Variants in FHIT observed in about 807,000 individuals in gnomAD.
The protein encoded by FHIT is fragile histidine triad diadenosine triphosphatase.
Under a neutral mutation model 17.9 loss-of-function variants are expected in FHIT, and 19 were observed. That is an observed-to-expected ratio of 1.06 (90% CI 0.74 to 1.56). The LOEUF (loss-of-function observed/expected upper bound fraction) is 1.56, where lower values mean the gene tolerates loss of function less well. Ranked by LOEUF, FHIT falls within the 40% of genes most tolerant of loss-of-function variation. FHIT has a pLI of 0.00. For synonymous variants in FHIT, 81 were observed against 69.7 expected, an observed-to-expected ratio of 1.16 and a Z score of -0.81; for missense variants, 248 against 189.2, an observed-to-expected ratio of 1.31 and a Z score of -1.82.
At chr3:60,583,997 G>A (rs2037827554) in intron 4 of FHIT, among the ~76,000 whole-genome samples, 1 of 152,074 alleles carries the variant, frequency 6.6e-6, no homozygotes, top group African/African-American at 2.4e-5. Context: ...AGGTCACAGA[G>A]GGCTGTCATT....
rs529046082 is a variant in FHIT at position 61,235,330 on chromosome 3, A to G, written c.-213+15971T>C. 2.6e-5 allele frequency among the ~76,000 whole-genome samples: 4 copies of G among 152,314 alleles called. No homozygotes were observed. The South Asian group carries it at 8.3e-4, about 32-fold the overall frequency. On this transcript the variant is annotated intron_variant, in intron 1 of 9. Coordinates refer to ENST00000492590, the MANE Select transcript of FHIT (RefSeq NM_002012.4). ...CAGTTTTCTCGTGTGTAAAACAAGG[A>G]TAATACAAGTATCGACTCCATAGAG...
chr3:61,112,191 G>A (rs141316633), intron 2 of FHIT, among the ~76,000 whole-genome samples: 6 of 152,110 alleles, frequency 3.9e-5, no homozygotes, highest in African/African-American at 1.4e-4. Context: ...CTGAAGGTAT[G>A]CGGAATAATT....
chr3:60,174,772 C>A (rs902454007), intron 5 of FHIT, among the ~76,000 whole-genome samples: 1 of 151,872 alleles, frequency 6.6e-6, no homozygotes, highest in South Asian at 2.1e-4. Flanking sequence ...AAAGCATTTT[C>A]ATCATCCTAA....
chr3:61,055,575 C>T (rs1182612095), intron 2 of FHIT, among the ~76,000 whole-genome samples: 1 of 152,204 alleles, frequency 6.6e-6, no homozygotes, highest in Non-Finnish European at 1.5e-5. Flanking sequence ...ATATTTAGAA[C>T]CAAGTACTCT....
intron 7 of FHIT, among the ~76,000 whole-genome samples, chr3:59,929,361 TGG>T (rs369095871): frequency 6.1e-5 from 8 of 131,402 alleles, no homozygotes; most frequent in South Asian, 2.5e-4. Context: ...ATTGTTTTTT[TGG>T]TTTTTTTTTT....
intron 5 of FHIT, among the ~76,000 whole-genome samples, chr3:60,312,406 G>A (rs1559810271): frequency 6.6e-6 from 1 of 152,110 alleles, no homozygotes; most frequent in Non-Finnish European, 1.5e-5. Flanking sequence ...GCCCCCCAAA[G>A]TGCCAGGACC....
intron 5 of FHIT, among the ~76,000 whole-genome samples, chr3:60,408,944 C>A (rs1203238327): frequency 6.6e-6 from 1 of 151,970 alleles, no homozygotes; most frequent in African/African-American, 2.4e-5. Context: ...CAGATGACAG[C>A]AAAAAATTCT....
chr3:59,816,841 T>C lies in FHIT; in HGVS notation c.349-64520A>G, dbSNP rs146280291. On this transcript the variant is annotated intron_variant, in intron 8 of 9. Transcript: ENST00000492590. ...AAATTGTCTTATGCTCAGGAAACAT[T>C]TGCTGAATGAATCCTCTGGAGATCT... Among the ~76,000 whole-genome samples the C allele has an allele frequency of 2.7e-3, 412 of 152,350 alleles. 8 individuals carry two copies. The Middle Eastern group carries it at 0.085, about 31-fold the overall frequency.
At chr3:60,106,516 C>T (rs6806516) in intron 5 of FHIT, among the ~76,000 whole-genome samples, 1,792 of 152,254 alleles carry the variant, frequency 0.012, 39 homozygotes, top group African/African-American at 0.04. Context: ...GAAATGTGTT[C>T]GTTCCTACTG....
intron 4 of FHIT, among the ~76,000 whole-genome samples, chr3:60,744,204 T>C (rs1337692239): frequency 7.2e-6 from 1 of 139,818 alleles, no homozygotes; most frequent in Non-Finnish European, 1.5e-5. Flanking sequence ...GTTTTCCCTA[T>C]GCAAACTGTT....
chr3:60,120,843 T>A (rs1022165035), intron 5 of FHIT, among the ~76,000 whole-genome samples: 11 of 113,430 alleles, frequency 9.7e-5, no homozygotes, highest in African/African-American at 1.1e-4. Context: ...CTCAGCTAAG[T>A]GATTTTTTTT....
intron 8 of FHIT, among the ~76,000 whole-genome samples, chr3:59,771,364 G>C (rs7623130): frequency 0.025 from 3,766 of 152,202 alleles, 177 homozygotes; most frequent in African/African-American, 0.086. Context: ...GGAAAAGCAT[G>C]GGAATATGAT....
At position 60,713,790 on chromosome 3, in the gene FHIT, A is replaced by G. The variant is rs545762500; in HGVS notation, c.-18+108129T>C. ...AGGATCTGAAATTGTGGCAATAATC[A>G]ATAGCTTACCAACCAAAAAGAGTCC... On this transcript the variant is annotated intron_variant, in intron 4 of 9. Transcript: ENST00000492590. Among the ~76,000 whole-genome samples, 27 of 152,110 alleles carry G rather than the reference A, an allele frequency of 1.8e-4. 1 individual carries two copies. In the South Asian group the frequency reaches 5.4e-3, roughly 31 times the overall value.
intron 4 of FHIT, among the ~76,000 whole-genome samples, chr3:60,671,662 G>A (rs6793381): frequency 0.012 from 1,770 of 151,968 alleles, 39 homozygotes; most frequent in African/African-American, 0.041. Flanking sequence ...ATTATTGGCC[G>A]GGTGCAGTGG....
chr3:59,843,808 T>A (rs959695575), intron 8 of FHIT, among the ~76,000 whole-genome samples: 11 of 152,040 alleles, frequency 7.2e-5, no homozygotes, highest in Non-Finnish European at 1.5e-4. Flanking sequence ...GTTTTCTACA[T>A]GTAAGTTCAT....
chr3:59,931,267 G>A (rs770602427), intron 7 of FHIT, among the ~76,000 whole-genome samples: 1 of 152,140 alleles, frequency 6.6e-6, no homozygotes, highest in Non-Finnish European at 1.5e-5. Flanking sequence ...ACTTCATCCA[G>A]ACCATCACCA....
chr3:60,965,069 A>C (rs1187912675), intron 3 of FHIT, among the ~76,000 whole-genome samples: 1 of 152,170 alleles, frequency 6.6e-6, no homozygotes, highest in Non-Finnish European at 1.5e-5. Flanking sequence ...CAGGTACACC[A>C]AGCAGACGTA....
At chr3:59,889,788 A>T (rs1170816661) in intron 8 of FHIT, among the ~76,000 whole-genome samples, 2 of 152,250 alleles carry the variant, frequency 1.3e-5, no homozygotes, top group African/African-American at 4.8e-5. Flanking sequence ...ATAAGCACAC[A>T]CATAAGAAAA....
chr3:60,818,990 T>C (rs1409718405), intron 4 of FHIT, among the ~76,000 whole-genome samples: 1 of 152,058 alleles, frequency 6.6e-6, no homozygotes, highest in African/African-American at 2.4e-5. Flanking sequence ...CTTATTTTTA[T>C]TCTCTAATGC....
Sources: allele counts gnomAD v4.1 joint callset (sites outside exome capture counted in the v4.1 genomes callset), GRCh38; gene constraint gnomAD v4.1.1; transcripts MANE v1.5; gene names NCBI Gene and HGNC (gene_info 2026-07-23, HGNC 2026-07-21).